Variants in MFSD6 observed in about 807,000 individuals in gnomAD.
MFSD6 encodes major facilitator superfamily domain containing 6.
A neutral mutation model predicts 56.3 loss-of-function variants in MFSD6; 26 were observed. That is an observed-to-expected ratio of 0.46 (90% CI 0.34 to 0.64). MFSD6 has a LOEUF of 0.64. MFSD6 is among the 30% of genes least tolerant of loss of function. The pLI, the probability that MFSD6 is intolerant of heterozygous loss-of-function variation, is 0.01. For synonymous variants in MFSD6, 331 were observed against 366.9 expected (o/e 0.90, Z 1.12); for missense variants, 750 against 986.2 (o/e 0.76, Z 3.21).
rs1689937336 is a variant in MFSD6, at chr2:190,499,925, A to T, written c.2173-90A>T. On this transcript the variant is annotated intron_variant, in intron 7 of 7. Coordinates refer to ENST00000392328, the MANE Select transcript of MFSD6 (RefSeq NM_017694.4). The surrounding 1 kb of genome is among the most constrained non-coding windows in gnomAD (Gnocchi z 6.0). The stretch of plus-strand genomic sequence containing the variant: ...ATGGGCACTTCCGGATGATCTCCCC[A>T]TGTTTCCTGTCTTACTTGAAAGCAT... 6.3e-7 allele frequency: 1 copy of T among 1,589,926 alleles called. No homozygotes were observed. Among genetic ancestry groups the T allele is most frequent in the South Asian group, 1.1e-5 (1 of 88,038 alleles).
At chr2:190,409,236 T>G (rs537855996) in intron 1 of MFSD6, among the ~76,000 whole-genome samples, 2 of 152,312 alleles carry the variant, frequency 1.3e-5, no homozygotes, top group East Asian at 3.9e-4. Flanking sequence ...GCAATTTTCC[T>G]GCAAATTTAG....
Position 190,471,353 on chromosome 2 carries a change from G to C in MFSD6, c.1630+1498G>C, listed in dbSNP as rs186610237. ...TTCCCTTTCCTAGCCGAGGAAAGGG[G>C]TGAGAGATGGCACCTGGAAAATTGG... On this transcript the variant is annotated intron_variant, in intron 4 of 7. Coordinates refer to ENST00000392328, the MANE Select transcript of MFSD6 (RefSeq NM_017694.4). The surrounding 1 kb of genome is among the most constrained non-coding windows in gnomAD (Gnocchi z 4.7). Among the ~76,000 whole-genome samples, 73 of 152,306 alleles carry C rather than the reference G, an allele frequency of 4.8e-4. 1 individual carries two copies. Among genetic ancestry groups the C allele is most frequent in the Middle Eastern group, 6.8e-3 (2 of 294 alleles).
chr2:190,427,774 C>A (rs1422318542), intron 2 of MFSD6, among the ~76,000 whole-genome samples: 2 of 151,824 alleles, frequency 1.3e-5, no homozygotes, highest in Non-Finnish European at 2.9e-5. Flanking sequence ...TCTTGTCACC[C>A]AGGCTAGAGT....
intron 3 of MFSD6, among the ~76,000 whole-genome samples, chr2:190,445,501 T>G (rs1371781711): frequency 2.0e-5 from 3 of 149,818 alleles, no homozygotes; most frequent in Non-Finnish European, 3.0e-5. Flanking sequence ...GAACACGAAT[T>G]TTTTTTTTCT....
rs994844503 is a variant in MFSD6, at chr2:190,481,176, T to C, written c.1631-7481T>C. On this transcript the variant is annotated intron_variant, in intron 4 of 7. Coordinates refer to ENST00000392328, the MANE Select transcript of MFSD6 (RefSeq NM_017694.4). ...TCTTAACATTAAACTCCCTGGGTTT[T>C]GGGTGGTAGTCTCCTAAAACCTGCT... Among the ~76,000 whole-genome samples, 3 of 152,382 alleles carry C rather than the reference T, an allele frequency of 2.0e-5. No homozygotes were observed. In the Middle Eastern group the frequency reaches 0.01, roughly 518 times the overall value.
In MFSD6 at chr2:190,443,087, G is replaced by T. The variant is rs893385571; in HGVS notation, c.1532+5526G>T. ...TTACCGTAACCTGTTTCTATATATT[G>T]TTTTAGCAGCAATGGACTTTCTGAG... is the stretch of plus-strand genomic sequence containing the variant. On this transcript the variant is annotated intron_variant, in intron 3 of 7. Transcript: ENST00000392328. This position sits in a 1 kb window ranked among gnomAD's most constrained non-coding sequence, Gnocchi z 4.2. 2 of 152,122 alleles carry T rather than the reference G, an allele frequency of 1.3e-5. No homozygotes were observed. Among genetic ancestry groups the T allele is most frequent in the Non-Finnish European group, 1.5e-5 (1 of 68,030 alleles). The allele number at this position is 152,122 out of a possible 1,614,324, so 9.4% of individuals were successfully genotyped here. A position where few individuals can be genotyped will look rare whatever the true frequency, so the allele number is the denominator to read the frequency against.
chr2:190,458,403 G>A lies in MFSD6; in HGVS notation c.1533-11355G>A, dbSNP rs1011159860. ...CGATGACACAGGGAGAGGATGACTT[G>A]TCTGCAAGCCAACGAGAGGGGCCCT... On this transcript the variant is annotated intron_variant, in intron 3 of 7. Coordinates refer to ENST00000392328, the MANE Select transcript of MFSD6 (RefSeq NM_017694.4). This position sits in a 1 kb window ranked among gnomAD's most constrained non-coding sequence, Gnocchi z 5.3. Among the ~76,000 whole-genome samples, 6 of 152,264 alleles carry A rather than the reference G, an allele frequency of 3.9e-5. No individual in the cohort carries two copies. The highest frequency in any genetic ancestry group is 3.4e-3 in the Middle Eastern group (1 of 294).
In MFSD6 at chr2:190,488,743, A is replaced by G. The variant is rs1320679358; in HGVS notation, c.1717A>G (p.Ile573Val). 6.2e-7 allele frequency: 1 copy of G among 1,610,846 alleles called. No homozygotes were observed. Among genetic ancestry groups the G allele is most frequent in the East Asian group, 2.2e-5 (1 of 44,672 alleles). Residue 573 changes from isoleucine (I) to valine (V), a missense_variant, in exon 5 of 8, where the codon ATC becomes GTC. Ile to Val is a conservative substitution (Grantham distance 29, BLOSUM62 3). Around this residue, in one of 5 missense-constraint regions of MFSD6, gnomAD observed 125 missense variants for 223.1 expected, o/e 0.56. Coordinates refer to ENST00000392328, the MANE Select transcript of MFSD6 (RefSeq NM_017694.4). The surrounding 1 kb of genome is among the most constrained non-coding windows in gnomAD (Gnocchi z 6.4). ...PPELRTSAQGILQGLHLGLGR... is the reference protein window; with the variant it reads ...PPELRTSAQGVLQGLHLGLGR... ...TGAGCTGAGGACATCTGCTCAGGGCATCCTGCAGGGCCTTCACCTGGGTTT... is the reference window on the plus strand; with the variant it reads ...TGAGCTGAGGACATCTGCTCAGGGCGTCCTGCAGGGCCTTCACCTGGGTTT...
rs1257857708 is a variant in MFSD6 at position 190,423,372 on chromosome 2, T to C, written c.-54+7959T>C. On this transcript the variant is annotated intron_variant, in intron 2 of 7. Transcript: ENST00000392328. This position sits in a 1 kb window ranked among gnomAD's most constrained non-coding sequence, Gnocchi z 4.3. ...TGTCATTTCAAGAATGTTATATGAA[T>C]AGAATCATACAGTATGTAATGTTTT... Among the ~76,000 whole-genome samples the C allele has an allele frequency of 2.0e-5, 3 of 152,246 alleles. No individual in the cohort carries two copies. The highest frequency in any genetic ancestry group is 6.5e-5 in the Admixed American group (1 of 15,286).
At chr2:190,460,306 T>C (rs918362775) in intron 3 of MFSD6, among the ~76,000 whole-genome samples, 2 of 152,250 alleles carry the variant, frequency 1.3e-5, no homozygotes, top group Admixed American at 1.3e-4. Flanking sequence ...ATCTATTTTT[T>C]AAATATATTT....
At position 190,454,810 on chromosome 2, in the gene MFSD6, T is replaced by G. The variant is rs1040834013; in HGVS notation, c.1533-14948T>G. Among the ~76,000 whole-genome samples the G allele has an allele frequency of 6.6e-6, 1 of 152,066 alleles. No individual in the cohort carries two copies. Among genetic ancestry groups the G allele is most frequent in the African/African-American group, 2.4e-5 (1 of 41,384 alleles). ...TATAGAGGGATGGGATCCCCAAAGATTCTAAGAGTCAGAAGACACTAGAAT... is the reference window on the plus strand; with the variant it reads ...TATAGAGGGATGGGATCCCCAAAGAGTCTAAGAGTCAGAAGACACTAGAAT... On this transcript the variant is annotated intron_variant, in intron 3 of 7. Coordinates refer to ENST00000392328, the MANE Select transcript of MFSD6 (RefSeq NM_017694.4). This position sits in a 1 kb window ranked among gnomAD's most constrained non-coding sequence, Gnocchi z 4.6.
upstream of MFSD6, among the ~76,000 whole-genome samples, chr2:190,407,994 G>A (rs2124969417): frequency 6.6e-6 from 1 of 152,326 alleles, no homozygotes; most frequent in East Asian, 1.9e-4. The surrounding 1 kb of genome is among the most constrained non-coding windows in gnomAD (Gnocchi z 5.4). Flanking sequence ...GGTGCGGTAG[G>A]GATGGAGCCT....
At position 190,494,858 on chromosome 2, in the gene MFSD6, T is replaced by A. The variant is rs549940835; in HGVS notation, c.1892-2581T>A. 6.6e-6 allele frequency among the ~76,000 whole-genome samples: 1 copy of A among 152,160 alleles called. No homozygotes were observed. Among genetic ancestry groups the A allele is most frequent in the African/African-American group, 2.4e-5 (1 of 41,516 alleles). The stretch of plus-strand genomic sequence containing the variant: ...ATACAAGAGACATAACACAGTGAAA[T>A]AAAAGCCATTTGTGATAAACCCACA... On this transcript the variant is annotated intron_variant, in intron 6 of 7. Transcript: ENST00000392328. This position sits in a 1 kb window ranked among gnomAD's most constrained non-coding sequence, Gnocchi z 5.7.
chr2:190,425,660 T>C lies in MFSD6; in HGVS notation c.-54+10247T>C, dbSNP rs548682246. On this transcript the variant is annotated intron_variant, in intron 2 of 7. Transcript: ENST00000392328. The surrounding 1 kb of genome is among the most constrained non-coding windows in gnomAD (Gnocchi z 4.3). The stretch of plus-strand genomic sequence containing the variant: ...ACATGGTAGATTGAATTGACTGACT[T>C]TGAAATATTGCATCAGCCTTGTATT... Among the ~76,000 whole-genome samples the C allele has an allele frequency of 2.0e-5, 3 of 152,226 alleles. No homozygotes were observed. The highest frequency in any genetic ancestry group is 4.4e-5 in the Non-Finnish European group (3 of 68,040).
chr2:190,487,579 A>T lies in MFSD6; in HGVS notation c.1631-1078A>T, dbSNP rs1689083417. Among the ~76,000 whole-genome samples, 2 of 152,228 alleles carry T rather than the reference A, an allele frequency of 1.3e-5. No homozygotes were observed. The highest frequency in any genetic ancestry group is 4.1e-4 in the South Asian group (2 of 4,832). On this transcript the variant is annotated intron_variant, in intron 4 of 7. Transcript: ENST00000392328. This position sits in a 1 kb window ranked among gnomAD's most constrained non-coding sequence, Gnocchi z 5.5. The stretch of plus-strand genomic sequence containing the variant: ...CAATAACAAAAACCAACCCAATTAA[A>T]AAATGGGCAAAGGAATTGAATAAAC...
Position 190,431,469 on chromosome 2 carries a change from G to A in MFSD6, c.-53-4508G>A, listed in dbSNP as rs559418500. On this transcript the variant is annotated intron_variant, in intron 2 of 7. Transcript: ENST00000392328. This position sits in a 1 kb window ranked among gnomAD's most constrained non-coding sequence, Gnocchi z 4.4. ...TGCAATCCCGGCACCTCTGGAGGCC[G>A]AGGCTGGCGGATCACTCGCGATTAG... Among the ~76,000 whole-genome samples, 1 of 152,226 alleles carries A rather than the reference G, an allele frequency of 6.6e-6. No homozygotes were observed. Among genetic ancestry groups the A allele is most frequent in the Non-Finnish European group, 1.5e-5 (1 of 68,040 alleles).
At position 190,418,005 on chromosome 2, in the gene MFSD6, T is replaced by A. The variant is rs866784720; in HGVS notation, c.-54+2592T>A. The stretch of plus-strand genomic sequence containing the variant: ...GTGTGTGTGTGTGTGTGTGTGTATG[T>A]GAGAGAGAGAGAGATGTGGTTTATC... On this transcript the variant is annotated intron_variant, in intron 2 of 7. Coordinates refer to ENST00000392328, the MANE Select transcript of MFSD6 (RefSeq NM_017694.4). The surrounding 1 kb of genome is among the most constrained non-coding windows in gnomAD (Gnocchi z 4.1). Among the ~76,000 whole-genome samples the A allele has an allele frequency of 6.9e-3, 1,036 of 150,000 alleles. 12 individuals carry two copies. The highest frequency in any genetic ancestry group is 0.02 in the East Asian group (104 of 5,094).
chr2:190,422,790 A>AT (rs1685669960), intron 2 of MFSD6, among the ~76,000 whole-genome samples: 1 of 150,760 alleles, frequency 6.6e-6, no homozygotes, highest in South Asian at 2.1e-4. Context: ...TCTTCCCTTA[A>AT]TTTTTTTCTT....
At chr2:190,414,620 G>T (rs948567983) in intron 1 of MFSD6, among the ~76,000 whole-genome samples, 3 of 152,172 alleles carry the variant, frequency 2.0e-5, no homozygotes, top group Non-Finnish European at 2.9e-5. Flanking sequence ...TTAGATGAAT[G>T]ATCAGACCTC....
Sources: allele counts gnomAD v4.1 joint callset (sites outside exome capture counted in the v4.1 genomes callset), GRCh38; gene constraint gnomAD v4.1.1; regional missense constraint gnomAD v4.1.1; non-coding constraint Gnocchi (gnomAD v3.1); transcripts MANE v1.5; gene names NCBI Gene and HGNC (gene_info 2026-07-23, HGNC 2026-07-21).